The following WWP1 variants were observed in gnomAD, a reference collection of about 807,000 sequenced individuals.
WWP1 encodes the protein WW domain containing E3 ubiquitin protein ligase 1, also known as NEDD4-like E3 ubiquitin-protein ligase WWP1.
A neutral mutation model predicts 130.6 loss-of-function variants in WWP1; 49 were observed. That is an observed-to-expected ratio of 0.38 (90% CI 0.30 to 0.48). The LOEUF (loss-of-function observed/expected upper bound fraction) is 0.48, where lower values mean the gene tolerates loss of function less well. WWP1 is among the 20% of genes least tolerant of loss of function. WWP1 has a pLI of 0.99. For synonymous variants in WWP1, 332 were observed against 367.8 expected, an observed-to-expected ratio of 0.90 and a Z score of 1.11; for missense variants, 809 against 1,100.6, an observed-to-expected ratio of 0.74 and a Z score of 3.75.
chr8:86,375,233 A>G (rs1824562396), intron 3 of WWP1, among the ~76,000 whole-genome samples: 1 of 152,144 alleles, frequency 6.6e-6, no homozygotes, highest in African/African-American at 2.4e-5. Context: ...ACCATGTTTT[A>G]ATGTACTTTA....
Position 86,452,597 on chromosome 8 carries a change from A to T in WWP1, c.2312A>T (p.Glu771Val), listed in dbSNP as rs376068337. The change falls in exon 21 of 25, where the codon GAA becomes GTA. Residue 771 changes from glutamate to valine, a missense_variant. Coordinates refer to ENST00000517970, the MANE Select transcript of WWP1 (RefSeq NM_007013.4). ...TGGCGTTTTTCTCGAGGAGTACAAG[A>T]ACAGACCAAAGCTTTCCTTGATGGT... ...TEWRFSRGVQ[E>V]QTKAFLDGFN... 3.1e-6 allele frequency: 5 copies of T among 1,612,864 alleles called. No homozygotes were observed. The African/African-American group carries it at 6.7e-5, about 22-fold the overall frequency.
At chr8:86,381,070 A>G (rs909395142) in intron 4 of WWP1, among the ~76,000 whole-genome samples, 7 of 116,602 alleles carry the variant, frequency 6.0e-5, no homozygotes, top group Non-Finnish European at 1.3e-4. Flanking sequence ...TTATAAACCA[A>G]ATTATTTCCA....
chr8:86,465,905 G>C (rs753729231), intron 24 of WWP1, among the ~76,000 whole-genome samples: 6 of 152,126 alleles, frequency 3.9e-5, no homozygotes, highest in Non-Finnish European at 7.4e-5. Flanking sequence ...TAGATGCCTT[G>C]TTTCAAAGGC....
chr8:86,420,317 G>A (rs1809131537), intron 9 of WWP1, among the ~76,000 whole-genome samples: 1 of 152,152 alleles, frequency 6.6e-6, no homozygotes, highest in East Asian at 1.9e-4. Context: ...AGTATTTGGG[G>A]TTTAACGATA....
chr8:86,372,017 A>ATTTTTTT (rs34458424), intron 2 of WWP1, among the ~76,000 whole-genome samples: 93 of 70,144 alleles, frequency 1.3e-3, no homozygotes, highest in Non-Finnish European at 1.6e-3. Flanking sequence ...TAATTTTTGT[A>ATTTTTTT]TTTTTTTTTT....
intron 1 of WWP1, among the ~76,000 whole-genome samples, chr8:86,362,167 T>TATATATATATATATATATATAAGGC (rs1554554012): frequency 7.6e-4 from 35 of 46,014 alleles, no homozygotes; most frequent in African/African-American, 2.0e-3. Context: ...ACAAGGCATA[T>TATATATATATATATATATATAAGGC]ATATATATAT....
chr8:86,404,690 A>C (rs1389311318), intron 8 of WWP1, among the ~76,000 whole-genome samples: 1 of 152,196 alleles, frequency 6.6e-6, no homozygotes, highest in Non-Finnish European at 1.5e-5. Flanking sequence ...AATAGTATAT[A>C]TCCATTAACT....
At chr8:86,419,775 AG>A (rs1809095437) in intron 9 of WWP1, among the ~76,000 whole-genome samples, 1 of 152,224 alleles carries the variant, frequency 6.6e-6, no homozygotes, top group African/African-American at 2.4e-5. Context: ...ATCTATTTTA[AG>A]ACAATTTGTT....
chr8:86,363,639 G>T (rs532961178), intron 1 of WWP1, among the ~76,000 whole-genome samples: 6 of 151,588 alleles, frequency 4.0e-5, no homozygotes, highest in Non-Finnish European at 5.9e-5. Flanking sequence ...CCGTCTCTAC[G>T]AAAAATAAAC....
At chr8:86,354,583 GTA>G (rs992504079) in intron 1 of WWP1, among the ~76,000 whole-genome samples, 1 of 152,182 alleles carries the variant, frequency 6.6e-6, no homozygotes, top group African/African-American at 2.4e-5. Flanking sequence ...CTTAGGAAGA[GTA>G]TTTGTAAATA....
In WWP1 at chr8:86,402,183, C is replaced by T. The variant is rs1007731200; in HGVS notation, c.704C>T (p.Ser235Phe). Residue 235 changes from serine (S) to phenylalanine (F), a missense_variant, in exon 8 of 25, where the codon TCT (serine) becomes TTT (phenylalanine). Transcript: ENST00000517970. Reference protein sequence around the residue: ...KNTPAPKPLASEPADDTVNGE... With the variant: ...KNTPAPKPLAFEPADDTVNGE... The stretch of plus-strand genomic sequence containing the variant: ...ACACCAGCTCCAAAACCACTCGCAT[C>T]TGAGCCTGCCGATGACACTGGTAAG... The T allele has an allele frequency of 5.0e-6, 8 of 1,613,268 alleles. No individual in the cohort carries two copies. The highest frequency in any genetic ancestry group is 6.8e-6 in the Non-Finnish European group (8 of 1,179,782).
chr8:86,405,047 G>C (rs1158446933), intron 8 of WWP1: 1 of 152,200 alleles, frequency 6.6e-6, no homozygotes, highest in Admixed American at 6.5e-5. Context: ...TCCGGAACCT[G>C]CTCTGTTGGT....
chr8:86,342,955 G>A, intron 1 of WWP1, 25 bp downstream of exon 1: 1 of 329,330 alleles, frequency 3.0e-6, no homozygotes. Flanking sequence ...GCGCGGGGCT[G>A]GGGGTGCGAA....
intron 11 of WWP1, 91 bp downstream of exon 11, chr8:86,427,908 T>C: frequency 7.7e-7 from 1 of 1,304,398 alleles, no homozygotes; most frequent in Non-Finnish European, 1.0e-6. Context: ...CATAATCACA[T>C]ATCTATTTTG....
At chr8:86,455,472 T>C (rs1305646652) in intron 21 of WWP1, among the ~76,000 whole-genome samples, 2 of 151,992 alleles carry the variant, frequency 1.3e-5, no homozygotes, top group African/African-American at 4.8e-5. Flanking sequence ...GTGAATTTAA[T>C]AAGGCATGGG....
intron 24 of WWP1, among the ~76,000 whole-genome samples, chr8:86,466,551 T>A (rs568915461): frequency 0.017 from 2,631 of 151,790 alleles, 34 homozygotes; most frequent in Middle Eastern, 0.031. Flanking sequence ...TTTTTTTTTT[T>A]TAAATTTGTC....
intron 9 of WWP1, chr8:86,417,338 ACC>A (rs2130600014): frequency 6.6e-6 from 1 of 152,242 alleles, no homozygotes; most frequent in East Asian, 1.9e-4. Context: ...TAAGATATTT[ACC>A]GTCTGGCTCT....
chr8:86,444,943 G>A lies in WWP1; in HGVS notation c.1998+2165G>A, dbSNP rs568909568. Among the ~76,000 whole-genome samples, 13 of 152,228 alleles carry A rather than the reference G, an allele frequency of 8.5e-5. 1 individual carries two copies. Among genetic ancestry groups the A allele is most frequent in the Admixed American group, 2.6e-4 (4 of 15,300 alleles). The stretch of plus-strand genomic sequence containing the variant: ...AGGCTGGATAATTTATAAAGAAAAG[G>A]GGTTTGTTTGACTGTGCAGGCTGTA... On this transcript the variant is annotated intron_variant, in intron 18 of 24. Transcript: ENST00000517970.
chr8:86,375,101 A>C (rs1286934716), intron 3 of WWP1, among the ~76,000 whole-genome samples: 1 of 152,168 alleles, frequency 6.6e-6, no homozygotes, highest in Non-Finnish European at 1.5e-5. Context: ...AAATTACCAA[A>C]AACAGAGGGA....
Sources: allele counts gnomAD v4.1 joint callset (sites outside exome capture counted in the v4.1 genomes callset), GRCh38; gene constraint gnomAD v4.1.1; transcripts MANE v1.5; gene names NCBI Gene and HGNC (gene_info 2026-07-23, HGNC 2026-07-21).